CHODL: variants seen among roughly 807,000 people sequenced by gnomAD.
The protein encoded by CHODL is chondrolectin.
A neutral mutation model predicts 34.5 loss-of-function variants in CHODL; 29 were observed. That is an observed-to-expected ratio of 0.84 (90% confidence interval 0.63 to 1.15). The LOEUF is 1.15. Ranked by LOEUF, CHODL falls within the 50% of genes most tolerant of loss-of-function variation. CHODL has a pLI of 0.00. For missense variants in CHODL, 332 were observed against 332.5 expected, an observed-to-expected ratio of 1.00 and a Z score of 0.01; for synonymous variants, 125 against 116.1, an observed-to-expected ratio of 1.08 and a Z score of -0.49.
intron 2 of CHODL, among the ~76,000 whole-genome samples, chr21:18,065,444 G>T (rs564362584): frequency 3.9e-5 from 6 of 152,248 alleles, no homozygotes; most frequent in Non-Finnish European, 7.4e-5. Context: ...CATAGTTCAC[G>T]CAAGGAGTTT....
chr21:17,920,693 CTAT>C (rs1275269110), intron 1 of CHODL, among the ~76,000 whole-genome samples: 2 of 152,140 alleles, frequency 1.3e-5, no homozygotes, highest in African/African-American at 2.4e-5. Context: ...TAAATGGTAG[CTAT>C]TATTATTAAC....
chr21:18,190,439 A>G (rs76770399), intron 2 of CHODL, among the ~76,000 whole-genome samples: 71 of 152,370 alleles, frequency 4.7e-4, no homozygotes, highest in African/African-American at 1.6e-3. Context: ...CAATTAAAAA[A>G]GACACTTCAC....
At chr21:18,053,225 G>T (rs1185096127) in intron 2 of CHODL, among the ~76,000 whole-genome samples, 1 of 151,812 alleles carries the variant, frequency 6.6e-6, no homozygotes, top group African/African-American at 2.4e-5. Context: ...AATGTAAGAG[G>T]AAAGATGTAA....
At chr21:18,143,320 C>T (rs910675214) in intron 2 of CHODL, among the ~76,000 whole-genome samples, 1 of 152,130 alleles carries the variant, frequency 6.6e-6, no homozygotes, top group African/African-American at 2.4e-5. Context: ...TTTGACTTTT[C>T]TTTAAATCCA....
At chr21:18,059,629 C>A (rs992356729) in intron 2 of CHODL, among the ~76,000 whole-genome samples, 1 of 151,828 alleles carries the variant, frequency 6.6e-6, no homozygotes, top group Admixed American at 6.6e-5. Flanking sequence ...ATTAGCTATT[C>A]TTCCTGATGC....
intron 2 of CHODL, among the ~76,000 whole-genome samples, chr21:18,175,612 A>G (rs2073298395): frequency 6.6e-6 from 1 of 152,018 alleles, no homozygotes; most frequent in African/African-American, 2.4e-5. Flanking sequence ...AAAAAGAAAG[A>G]TATTGTTCCT....
At chr21:18,062,532 G>A (rs1487596835) in intron 2 of CHODL, among the ~76,000 whole-genome samples, 1 of 152,008 alleles carries the variant, frequency 6.6e-6, no homozygotes. Flanking sequence ...TTGGGAAGCC[G>A]AGGTGGGCTG....
intron 2 of CHODL, among the ~76,000 whole-genome samples, chr21:18,180,059 T>C (rs974034961): frequency 6.6e-6 from 1 of 152,182 alleles, no homozygotes; most frequent in African/African-American, 2.4e-5. Flanking sequence ...GTTGTAGGGA[T>C]TAAATGAGCT....
intron 2 of CHODL, among the ~76,000 whole-genome samples, chr21:18,066,000 A>T (rs187831482): frequency 1.9e-3 from 292 of 152,312 alleles, no homozygotes; most frequent in African/African-American, 6.9e-3. Context: ...TTAAGTTTCA[A>T]TGACCTCCCA....
chr21:18,262,428 T>G (rs577021718), intron 4 of CHODL, among the ~76,000 whole-genome samples: 1 of 152,286 alleles, frequency 6.6e-6, no homozygotes, highest in Middle Eastern at 3.4e-3. Flanking sequence ...CTGCACCATG[T>G]TACTATACTG....
chr21:18,071,984 C>A (rs1190914515), intron 2 of CHODL, among the ~76,000 whole-genome samples: 1 of 151,806 alleles, frequency 6.6e-6, no homozygotes, highest in Non-Finnish European at 1.5e-5. Flanking sequence ...AGTGTAGTAA[C>A]CTATTTAAAT....
At chr21:18,190,666 A>G (rs2073500040) in intron 2 of CHODL, among the ~76,000 whole-genome samples, 1 of 152,228 alleles carries the variant, frequency 6.6e-6, no homozygotes, top group African/African-American at 2.4e-5. Context: ...GTGAAATTCT[A>G]GGGAAAGTTG....
chr21:18,040,863 C>T (rs546003278), intron 2 of CHODL, among the ~76,000 whole-genome samples: 1 of 151,850 alleles, frequency 6.6e-6, no homozygotes, highest in African/African-American at 2.4e-5. Context: ...ACTGATTTCT[C>T]TTTATTTCTT....
intron 2 of CHODL, among the ~76,000 whole-genome samples, chr21:18,084,212 C>T (rs458346): frequency 4.6e-5 from 7 of 152,188 alleles, no homozygotes; most frequent in African/African-American, 1.7e-4. Flanking sequence ...ATGCTTCTTT[C>T]CCTTTCATCT....
intron 1 of CHODL, among the ~76,000 whole-genome samples, chr21:17,987,137 GGTTATAGCT>G (rs756910958): frequency 2.0e-5 from 3 of 152,068 alleles, no homozygotes; most frequent in Non-Finnish European, 2.9e-5. Flanking sequence ...ATGGGGAGGA[GGTTATAGCT>G]GCTTTCACAG....
chr21:18,163,907 A>C (rs1220331729), intron 2 of CHODL, among the ~76,000 whole-genome samples: 1 of 152,206 alleles, frequency 6.6e-6, no homozygotes, highest in East Asian at 1.9e-4. Flanking sequence ...CAGTGTGATT[A>C]ATGCTTAAAA....
intron 2 of CHODL, among the ~76,000 whole-genome samples, chr21:18,191,177 A>G (rs543243792): frequency 1.3e-5 from 2 of 152,190 alleles, no homozygotes; most frequent in Non-Finnish European, 2.9e-5. Flanking sequence ...TAATTTTATT[A>G]TCATTCAAGG....
At position 18,003,554 on chromosome 21, in the gene CHODL, G is replaced by A. The variant is rs192309810; in HGVS notation, c.-144-24318G>A. Among the ~76,000 whole-genome samples the A allele has an allele frequency of 2.0e-4, 30 of 152,122 alleles. No individual in the cohort carries two copies. In the East Asian group the frequency reaches 2.5e-3, roughly 13 times the overall value. On this transcript the variant is annotated intron_variant, in intron 1 of 6. Transcript: ENST00000400127. ...GTGTTCATTTAACAGTATATTGAAGGGATGTTAATTATTCTATAAATAACT... is the reference window on the plus strand; with the variant it reads ...GTGTTCATTTAACAGTATATTGAAGAGATGTTAATTATTCTATAAATAACT...
At chr21:17,987,696 A>G (rs1371420872) in intron 1 of CHODL, among the ~76,000 whole-genome samples, 2 of 152,186 alleles carry the variant, frequency 1.3e-5, no homozygotes, top group Non-Finnish European at 2.9e-5. Flanking sequence ...AGAGCTACCC[A>G]TGCAATATTT....
Sources: allele counts gnomAD v4.1 joint callset (sites outside exome capture counted in the v4.1 genomes callset), GRCh38; gene constraint gnomAD v4.1.1; transcripts MANE v1.5; gene names NCBI Gene and HGNC (gene_info 2026-07-23, HGNC 2026-07-21).